Variants in CALD1 observed in about 807,000 individuals in gnomAD.
The protein encoded by CALD1 is caldesmon.
In CALD1, 33 loss-of-function variants were observed where a neutral mutation model predicts 99.9. That is an observed-to-expected ratio of 0.33 (90% CI 0.25 to 0.44). The LOEUF (loss-of-function observed/expected upper bound fraction) is 0.44. CALD1 is among the 20% of genes least tolerant of loss of function. The probability of loss-of-function intolerance (pLI) is 1.00; values close to 1 mark genes in which losing one functional copy is unlikely to be tolerated. For synonymous variants in CALD1, 310 were observed against 325.0 expected (o/e 0.95, Z 0.50); for missense variants, 861 against 962.1 (o/e 0.89, Z 1.39).
chr7:134,891,117 T>C (rs184973412), intron 3 of CALD1, among the ~76,000 whole-genome samples: 21 of 152,330 alleles, frequency 1.4e-4, no homozygotes, highest in Admixed American at 5.9e-4. Flanking sequence ...AGGTTGTATA[T>C]GCATGTAATA....
intron 3 of CALD1, among the ~76,000 whole-genome samples, chr7:134,902,427 G>A (rs1205000007): frequency 6.6e-6 from 1 of 152,084 alleles, no homozygotes; most frequent in Non-Finnish European, 1.5e-5. Flanking sequence ...GTGATCCAGG[G>A]AAGTATCATG....
intron 2 of CALD1, among the ~76,000 whole-genome samples, chr7:134,861,841 G>A (rs1346182061): frequency 1.3e-5 from 2 of 152,156 alleles, no homozygotes; most frequent in African/African-American, 2.4e-5. Flanking sequence ...AGTTCCTTGC[G>A]AGAGCAGAGA....
intron 3 of CALD1, among the ~76,000 whole-genome samples, chr7:134,889,379 C>G (rs1476654992): frequency 6.6e-6 from 1 of 152,192 alleles, no homozygotes; most frequent in Admixed American, 6.5e-5. Context: ...CCTCTAACCA[C>G]AGCTGGAAAG....
In CALD1 at chr7:134,787,658, G is replaced by A. The variant is rs116808295; in HGVS notation, c.-130+7909G>A. Reference sequence around the variant, plus strand: ...GGAGACTTTGAGTGCATGGATGGGGGATAATTTGCTTTTGCAGAAGGACAG... The same window carrying A: ...GGAGACTTTGAGTGCATGGATGGGGAATAATTTGCTTTTGCAGAAGGACAG... On this transcript the variant is annotated intron_variant, in intron 1 of 14. Transcript: ENST00000361675. 6.6e-5 allele frequency among the ~76,000 whole-genome samples: 10 copies of A among 152,288 alleles called. No individual in the cohort carries two copies. In the East Asian group the frequency reaches 1.9e-3, roughly 29 times the overall value.
At chr7:134,784,598 G>A (rs1585924179) in intron 1 of CALD1, among the ~76,000 whole-genome samples, 1 of 152,228 alleles carries the variant, frequency 6.6e-6, no homozygotes, top group South Asian at 2.1e-4. Context: ...GTGAAGTCTG[G>A]GAGAGCACAT....
chr7:134,804,641 G>C (rs567009861), intron 1 of CALD1, among the ~76,000 whole-genome samples: 8 of 152,308 alleles, frequency 5.3e-5, no homozygotes, highest in South Asian at 4.1e-4. Flanking sequence ...TTATCTAAGA[G>C]CATCTTGAAC....
intron 3 of CALD1, 50 bp downstream of exon 3, chr7:134,867,854 G>A (rs758339606): frequency 8.3e-7 from 1 of 1,203,566 alleles, no homozygotes; most frequent in South Asian, 1.3e-5. Flanking sequence ...AACAACCTTG[G>A]TTTCAGGCCT....
chr7:134,867,667 T>A, intron 2 of CALD1, 26 bp from the exon 3 acceptor site: 1 of 868,374 alleles, frequency 1.2e-6, no homozygotes, highest in Non-Finnish European at 1.8e-6. Flanking sequence ...TTATCAATGA[T>A]ATTGACTCTA....
chr7:134,746,799 T>C (rs1273901681), intron 1 of CALD1, among the ~76,000 whole-genome samples: 1 of 152,224 alleles, frequency 6.6e-6, no homozygotes. Flanking sequence ...GGCAATTCTA[T>C]TTTTAAAGTG....
At chr7:134,745,540 G>A (rs577917661) in intron 1 of CALD1, 1 of 152,178 alleles carries the variant, frequency 6.6e-6, no homozygotes, top group Non-Finnish European at 1.5e-5. Context: ...AAAGCAGAAA[G>A]ATTTGGGAGC....
intron 2 of CALD1, among the ~76,000 whole-genome samples, chr7:134,848,792 GCTAA>G (rs752332492): frequency 8.5e-4 from 130 of 152,284 alleles, no homozygotes; most frequent in Non-Finnish European, 1.2e-3. Flanking sequence ...CGGGAATCTA[GCTAA>G]CTGTCTCCCA....
At chr7:134,932,720 C>A (rs767400602) in intron 4 of CALD1, among the ~76,000 whole-genome samples, 1 of 152,180 alleles carries the variant, frequency 6.6e-6, no homozygotes, top group Non-Finnish European at 1.5e-5. Flanking sequence ...CTCAGGCTAT[C>A]AATTTTTGTT....
chr7:134,735,722 G>C, the CALD1 span, among the ~76,000 whole-genome samples: 15 of 152,172 alleles, frequency 9.9e-5, no homozygotes, highest in Non-Finnish European at 1.6e-4. Context: ...TCCTATTGCC[G>C]TAAGGGCAAT....
intron 1 of CALD1, among the ~76,000 whole-genome samples, chr7:134,782,699 T>C (rs1304135693): frequency 6.6e-6 from 1 of 152,212 alleles, no homozygotes; most frequent in Non-Finnish European, 1.5e-5. Flanking sequence ...TTGCTCCCTC[T>C]TCCCTGCAGA....
chr7:134,913,913 G>C (rs957092218), intron 3 of CALD1, among the ~76,000 whole-genome samples: 2 of 152,066 alleles, frequency 1.3e-5, no homozygotes, highest in Non-Finnish European at 2.9e-5. Flanking sequence ...TAGTCTCCAG[G>C]GCACCCTAAG....
chr7:134,840,382 A>G (rs1799604758), intron 1 of CALD1, among the ~76,000 whole-genome samples: 1 of 151,864 alleles, frequency 6.6e-6, no homozygotes, highest in Non-Finnish European at 1.5e-5. Flanking sequence ...CTGATCTACA[A>G]CTCATCTTCC....
intron 1 of CALD1, among the ~76,000 whole-genome samples, chr7:134,759,893 C>G (rs1457667151): frequency 6.6e-6 from 1 of 152,198 alleles, no homozygotes. Flanking sequence ...AAAAATAACT[C>G]AAGGTGGGCG....
chr7:134,952,309 GA>G (rs1807406541), intron 9 of CALD1, among the ~76,000 whole-genome samples: 1 of 151,528 alleles, frequency 6.6e-6, no homozygotes, highest in Non-Finnish European at 1.5e-5. Flanking sequence ...CCAAAAAAAA[GA>G]AAAAAAGAAT....
At chr7:134,718,879 T>C in the CALD1 span, among the ~76,000 whole-genome samples, 4 of 152,238 alleles carry the variant, frequency 2.6e-5, no homozygotes, top group Non-Finnish European at 5.9e-5. Context: ...ATTGCTTAGA[T>C]GTCATACCTA....
Sources: gnomAD v4.1 joint callset for allele counts (sites outside exome capture counted in the v4.1 genomes callset) on GRCh38, gnomAD v4.1.1 for gene constraint, MANE v1.5 for transcripts, NCBI Gene and HGNC (gene_info 2026-07-23, HGNC 2026-07-21) for gene names.